The following GRIK1 variants were observed in gnomAD, a reference collection of about 807,000 sequenced individuals.
The protein encoded by GRIK1 is glutamate ionotropic receptor kainate type subunit 1, also known as glutamate receptor ionotropic, kainate 1.
A neutral mutation model predicts 105.7 loss-of-function variants in GRIK1; 69 were observed. The ratio of observed to expected loss-of-function variants is 0.65; its 90% CI spans 0.54 to 0.80. The LOEUF (loss-of-function observed/expected upper bound fraction) is 0.80. Ranked by LOEUF, GRIK1 falls within the 30% of genes least tolerant of loss-of-function variation. GRIK1 has a pLI of 0.00. For missense variants in GRIK1, 1,109 were observed against 1,167.3 expected (o/e 0.95, Z 0.73); for synonymous variants, 438 against 431.3 (o/e 1.02, Z -0.19).
chr21:29,767,553 A>G (rs1042125714), intron 1 of GRIK1, among the ~76,000 whole-genome samples: 1 of 152,158 alleles, frequency 6.6e-6, no homozygotes, highest in African/African-American at 2.4e-5. Context: ...ATATTCTATA[A>G]CATAAATTTT....
chr21:29,785,306 TA>T (rs1360655732), intron 1 of GRIK1, among the ~76,000 whole-genome samples: 1 of 152,200 alleles, frequency 6.6e-6, no homozygotes, highest in Non-Finnish European at 1.5e-5. Flanking sequence ...GCTCATGCCG[TA>T]ATCCCAGAAT....
chr21:29,763,383 T>C (rs202001988), intron 1 of GRIK1, among the ~76,000 whole-genome samples: 6,455 of 152,312 alleles, frequency 0.042, 200 homozygotes, highest in Non-Finnish European at 0.066. Context: ...AATTACCCCA[T>C]TCAGGCATTC....
intron 16 of GRIK1, among the ~76,000 whole-genome samples, chr21:29,543,041 A>G (rs2089995599): frequency 6.6e-6 from 1 of 152,238 alleles, no homozygotes. Flanking sequence ...ATTTTTATAA[A>G]GACAATTTCA....
chr21:29,789,832 T>C (rs552816730), intron 1 of GRIK1, among the ~76,000 whole-genome samples: 6 of 152,206 alleles, frequency 3.9e-5, no homozygotes, highest in Non-Finnish European at 4.4e-5. Context: ...ACAAGAAAGG[T>C]AATGGGGAAA....
chr21:29,906,277 A>G (rs1277274607), intron 1 of GRIK1, among the ~76,000 whole-genome samples: 1 of 152,220 alleles, frequency 6.6e-6, no homozygotes, highest in Non-Finnish European at 1.5e-5. Flanking sequence ...TCACATGGCT[A>G]AAAGAAACAG....
At position 29,661,508 on chromosome 21, in the gene GRIK1, G is replaced by C. The variant is rs144643664; in HGVS notation, c.727-6645C>G. 2.6e-3 allele frequency among the ~76,000 whole-genome samples: 399 copies of C among 152,212 alleles called. 4 individuals are homozygous for C. Among genetic ancestry groups the C allele is most frequent in the African/African-American group, 9.2e-3 (380 of 41,528 alleles). On this transcript the variant is annotated intron_variant, in intron 4 of 17. Coordinates refer to ENST00000327783, the MANE Select transcript of GRIK1 (RefSeq NM_001330994.2). ...GAGAGAAAGATGGAGTGTGATGCGG[G>C]GCCACAAGACAAGGAATGAGGACGG...
At chr21:29,610,335 G>T (rs529728993) in intron 7 of GRIK1, among the ~76,000 whole-genome samples, 1 of 152,216 alleles carries the variant, frequency 6.6e-6, no homozygotes, top group African/African-American at 2.4e-5. Context: ...ATGGGATCAA[G>T]TTAAGGATCT....
At chr21:29,724,867 G>C (rs929704536) in intron 1 of GRIK1, among the ~76,000 whole-genome samples, 1 of 151,856 alleles carries the variant, frequency 6.6e-6, no homozygotes, top group African/African-American at 2.4e-5. Context: ...TATCTTAATT[G>C]GAGTTTCTTC....
At chr21:29,645,680 C>T (rs1170095609) in intron 6 of GRIK1, among the ~76,000 whole-genome samples, 1 of 152,046 alleles carries the variant, frequency 6.6e-6, no homozygotes, top group Non-Finnish European at 1.5e-5. Context: ...GATTTTCCTC[C>T]CCCTTTCAGT....
Position 29,863,408 on chromosome 21 carries a change from C to T in GRIK1, c.118+75975G>A, listed in dbSNP as rs145465488. Among the ~76,000 whole-genome samples the T allele has an allele frequency of 7.4e-4, 113 of 152,258 alleles. 1 individual carries two copies. In the Middle Eastern group the frequency reaches 0.034, roughly 46 times the overall value. On this transcript the variant is annotated intron_variant, in intron 1 of 17. Transcript: ENST00000327783. ...TAGAGTTAATAAACAAAACTACAAG[C>T]TCACTGTACAAAAAAAGAGAGGTTT...
intron 16 of GRIK1, among the ~76,000 whole-genome samples, chr21:29,552,907 C>T (rs1178483819): frequency 1.3e-5 from 2 of 152,090 alleles, no homozygotes; most frequent in Non-Finnish European, 2.9e-5. Flanking sequence ...TTCAACATAG[C>T]TAGTGCTCTT....
At chr21:29,884,410 T>A (rs1043259946) in intron 1 of GRIK1, among the ~76,000 whole-genome samples, 4 of 151,890 alleles carry the variant, frequency 2.6e-5, no homozygotes, top group Non-Finnish European at 4.4e-5. Context: ...GAAGAACAGG[T>A]TGGTTGTATT....
chr21:29,728,870 T>C (rs2064536582), intron 1 of GRIK1, among the ~76,000 whole-genome samples: 2 of 152,028 alleles, frequency 1.3e-5, no homozygotes, highest in Non-Finnish European at 1.5e-5. Context: ...ACTAGAAGGA[T>C]TAAGTAAGAG....
At position 29,939,404 on chromosome 21, in the gene GRIK1, CG is replaced by C; in HGVS notation, c.96del (p.Ala33ProfsTer24). ...TCACCGATCCTGAGTACTTGCGGGG[CG>C]GTCTGAGGGAGGATATAGCAGAGGA... is the stretch of plus-strand genomic sequence containing the variant. The part of the protein sequence containing the change: ...LYFLCYILPQ[T>X]APQVLRIGGI... On this transcript the variant is annotated frameshift_variant, in exon 1 of 18. Coordinates refer to ENST00000327783, the MANE Select transcript of GRIK1 (RefSeq NM_001330994.2). LOFTEE classifies it high-confidence loss of function. The C allele has an allele frequency of 6.4e-7, 1 of 1,553,118 alleles. No homozygotes were observed. Among genetic ancestry groups the C allele is most frequent in the Non-Finnish European group, 8.7e-7 (1 of 1,144,406 alleles).
chr21:29,761,620 A>G (rs965204930), intron 1 of GRIK1, among the ~76,000 whole-genome samples: 1 of 152,218 alleles, frequency 6.6e-6, no homozygotes, highest in Admixed American at 6.5e-5. Flanking sequence ...GTGAAATTCA[A>G]TTAAGTCTTT....
intron 1 of GRIK1, among the ~76,000 whole-genome samples, chr21:29,878,836 G>A (rs1415812489): frequency 6.6e-6 from 1 of 152,024 alleles, no homozygotes; most frequent in Non-Finnish European, 1.5e-5. Context: ...CCGAATCTAT[G>A]AGAAATACAT....
intron 1 of GRIK1, among the ~76,000 whole-genome samples, chr21:29,918,075 T>G (rs1028167180): frequency 2.0e-5 from 3 of 152,044 alleles, no homozygotes; most frequent in Non-Finnish European, 4.4e-5. Flanking sequence ...TGGTGATGGT[T>G]TAGTCACAAA....
rs201535034 is a variant in GRIK1 at position 29,587,487 on chromosome 21, G to A, written c.1672C>T (p.Arg558Trp). The A allele has an allele frequency of 8.1e-6, 13 of 1,612,498 alleles. No homozygotes were observed. Among genetic ancestry groups the A allele is most frequent in the South Asian group, 5.5e-5 (5 of 91,036 alleles). Residue 558 changes from arginine to tryptophan, a missense_variant, in exon 12 of 18, where the codon CGG becomes TGG. Coordinates refer to ENST00000327783, the MANE Select transcript of GRIK1 (RefSeq NM_001330994.2). Reference sequence around the variant, plus strand: ...CCTGGATTGGTACCATTGGGCTTCCGGTAGAGAATGCTGATGCCTAGGGTC... The same window carrying A: ...CCTGGATTGGTACCATTGGGCTTCCAGTAGAGAATGCTGATGCCTAGGGTC... ...FMTLGISILY[R>W]KPNGTNPGVF... is the part of the protein sequence containing the mutation.
intron 4 of GRIK1, among the ~76,000 whole-genome samples, chr21:29,671,734 T>C (rs1208814773): frequency 1.3e-5 from 2 of 152,180 alleles, no homozygotes; most frequent in Non-Finnish European, 2.9e-5. Context: ...TTATTTTAGA[T>C]AAAAACTTTG....
Sources: gnomAD v4.1 joint callset for allele counts (sites outside exome capture counted in the v4.1 genomes callset) on GRCh38, gnomAD v4.1.1 for gene constraint, MANE v1.5 for transcripts, NCBI Gene and HGNC (gene_info 2026-07-23, HGNC 2026-07-21) for gene names.